KMT2C: variants seen among roughly 807,000 people sequenced by gnomAD.
KMT2C encodes lysine methyltransferase 2C.
A neutral mutation model predicts 507.9 loss-of-function variants in KMT2C; 88 were observed. That is an observed-to-expected ratio of 0.17 (90% CI 0.15 to 0.21). The LOEUF (loss-of-function observed/expected upper bound fraction) is 0.21. Ranked by LOEUF, KMT2C falls within the 10% of genes least tolerant of loss-of-function variation. The pLI, the probability that KMT2C is intolerant of heterozygous loss-of-function variation, is 1.00. For synonymous variants in KMT2C, 2,049 were observed against 2,080.8 expected, an observed-to-expected ratio of 0.98 and a Z score of 0.42; for missense variants, 4,954 against 5,957.8, an observed-to-expected ratio of 0.83 and a Z score of 5.55.
intron 1 of KMT2C, among the ~76,000 whole-genome samples, chr7:152,434,904 TTACGAGGGGACGCTGGC>T (rs1358592197): frequency 6.6e-6 from 1 of 152,088 alleles, no homozygotes; most frequent in Admixed American, 6.6e-5. Flanking sequence ...GTATTCTGCC[TTACGAGGGGACGCTGGC>T]TACGTCTCCA....
rs376198655 is a variant in KMT2C, at chr7:152,146,605, C to T, written c.14025G>A (p.Ala4675=). ...GCCTGACCAAGACACTCACTGATTCCGCTATGCGTGCCACTGCAGAGACGG... is the reference window on the plus strand; with the variant it reads ...GCCTGACCAAGACACTCACTGATTCTGCTATGCGTGCCACTGCAGAGACGG... ...GLTVSAVARI[A]ESLPGVEACE... is the part of the protein sequence containing the mutation. The change falls in exon 53 of 59, where the codon GCG becomes GCA. Residue 4675 remains alanine, a synonymous_variant. Transcript: ENST00000262189. 1.1e-5 allele frequency: 18 copies of T among 1,613,988 alleles called. No homozygotes were observed. Among genetic ancestry groups the T allele is most frequent in the Middle Eastern group, 1.6e-4 (1 of 6,080 alleles).
At chr7:152,386,517 T>C (rs2097428113) in intron 1 of KMT2C, among the ~76,000 whole-genome samples, 1 of 152,312 alleles carries the variant, frequency 6.6e-6, no homozygotes. Flanking sequence ...AGCTTCCCTT[T>C]CACATGACTG....
intron 26 of KMT2C, among the ~76,000 whole-genome samples, chr7:152,201,115 C>G (rs895648052): frequency 6.6e-6 from 1 of 152,160 alleles, no homozygotes; most frequent in Non-Finnish European, 1.5e-5. Flanking sequence ...AGCAAGAATT[C>G]TGTCTAATGA....
intron 6 of KMT2C, among the ~76,000 whole-genome samples, chr7:152,296,088 A>AG (rs1436271878): frequency 6.6e-6 from 1 of 150,844 alleles, no homozygotes; most frequent in East Asian, 2.0e-4. Context: ...AAAAAAAAAA[A>AG]AAGATATGAA....
At chr7:152,382,715 G>C (rs12672803) in intron 1 of KMT2C, among the ~76,000 whole-genome samples, 970 of 120,908 alleles carry the variant, frequency 8.0e-3, no homozygotes, top group Non-Finnish European at 0.014. Context: ...ACTGGTAAGA[G>C]TATAAATTGG....
At chr7:152,390,857 A>G (rs1434730537) in intron 1 of KMT2C, among the ~76,000 whole-genome samples, 1 of 152,176 alleles carries the variant, frequency 6.6e-6, no homozygotes, top group East Asian at 1.9e-4. Context: ...CAAAAAACTT[A>G]GAATCTCTGC....
chr7:152,194,672 T>C lies in KMT2C; in HGVS notation c.4379-104A>G, dbSNP rs1161016348. 5.1e-6 allele frequency: 4 copies of C among 788,084 alleles called. No homozygotes were observed. The South Asian group carries it at 9.4e-5, about 18-fold the overall frequency. 48.8% of individuals were successfully genotyped at this position (788,084 alleles called of 1,614,324 possible). ...TTAGTATATAACAATATGATTAAAATAGAGAAATAAAGTCTGTAATTCTGA... is the reference window on the plus strand; with the variant it reads ...TTAGTATATAACAATATGATTAAAACAGAGAAATAAAGTCTGTAATTCTGA... On this transcript the variant is annotated intron_variant, in intron 28 of 58. Coordinates refer to ENST00000262189, the MANE Select transcript of KMT2C (RefSeq NM_170606.3).
intron 31 of KMT2C, among the ~76,000 whole-genome samples, chr7:152,191,532 C>T (rs1156636135): frequency 6.6e-6 from 1 of 152,180 alleles, no homozygotes; most frequent in Non-Finnish European, 1.5e-5. Flanking sequence ...TTAGTCTCAA[C>T]CACAATAACC....
intron 16 of KMT2C, among the ~76,000 whole-genome samples, chr7:152,234,125 C>T (rs2360909): frequency 1.3e-5 from 2 of 149,726 alleles, no homozygotes; most frequent in African/African-American, 4.9e-5. Context: ...TGGTGGCTCA[C>T]GCCTGTAATT....
chr7:152,334,494 A>T (rs1434681730), intron 2 of KMT2C, among the ~76,000 whole-genome samples: 1 of 151,994 alleles, frequency 6.6e-6, no homozygotes, highest in Non-Finnish European at 1.5e-5. Context: ...CAAAATCCAT[A>T]CTCTTCATCT....
chr7:152,394,664 A>G (rs139666086), intron 1 of KMT2C, among the ~76,000 whole-genome samples: 1,976 of 152,144 alleles, frequency 0.013, 47 homozygotes, highest in African/African-American at 0.045. Flanking sequence ...AATTCTACCT[A>G]TTTGTTTGAC....
intron 7 of KMT2C, among the ~76,000 whole-genome samples, chr7:152,271,761 G>T (rs1030646652): frequency 6.6e-6 from 1 of 151,140 alleles, no homozygotes; most frequent in African/African-American, 2.4e-5. Flanking sequence ...TTTGAAGGCT[G>T]CTATAAGAAA....
chr7:152,277,230 T>C (rs1271619724), intron 6 of KMT2C, among the ~76,000 whole-genome samples: 32 of 152,226 alleles, frequency 2.1e-4, no homozygotes, highest in Admixed American at 1.9e-3. Context: ...AGGCTCCCCA[T>C]GCTCCAAATT....
At chr7:152,291,918 G>A (rs1193152500) in intron 6 of KMT2C, among the ~76,000 whole-genome samples, 1 of 152,100 alleles carries the variant, frequency 6.6e-6, no homozygotes, top group East Asian at 1.9e-4. Context: ...TGTTGGTAAT[G>A]GTTTTCCTTG....
chr7:152,354,690 C>T (rs1340826216), intron 2 of KMT2C, among the ~76,000 whole-genome samples: 1 of 152,030 alleles, frequency 6.6e-6, no homozygotes. Context: ...GCAAAGAAGA[C>T]AAAAAGTGCA....
rs71198772 is a variant in KMT2C, at chr7:152,290,220, A to ATGTGTG, written c.850-16359_850-16354dup. Among the ~76,000 whole-genome samples the ATGTGTG allele has an allele frequency of 2.0e-3, 171 of 86,274 alleles. 1 individual carries two copies. Among genetic ancestry groups the ATGTGTG allele is most frequent in the Admixed American group, 2.3e-3 (15 of 6,476 alleles). 56.6% of individuals were successfully genotyped at this position (86,274 alleles called of 152,430 possible). On this transcript the variant is annotated intron_variant, in intron 6 of 58. Transcript: ENST00000262189. ...GTAGTCTAATAAATTTTATATATAT[A>ATGTGTG]TGTGTGTGTGTGTGTGTGTGTGTGT...
chr7:152,254,929 A>G (rs2095620427), intron 9 of KMT2C, among the ~76,000 whole-genome samples: 1 of 151,550 alleles, frequency 6.6e-6, no homozygotes, highest in Non-Finnish European at 1.5e-5. Context: ...TGGTAAGAAA[A>G]CCCCATTTAT....
chr7:152,289,048 G>A (rs2096359324), intron 6 of KMT2C, among the ~76,000 whole-genome samples: 1 of 152,426 alleles, frequency 6.6e-6, no homozygotes, highest in Non-Finnish European at 1.5e-5. Context: ...TATTGAACCA[G>A]AAAGGAGAAT....
At chr7:152,168,948 T>C (rs193240165) in intron 41 of KMT2C, among the ~76,000 whole-genome samples, 11 of 152,316 alleles carry the variant, frequency 7.2e-5, no homozygotes, top group African/African-American at 2.2e-4. Flanking sequence ...ATGGGGAAGA[T>C]GGTTTTTCTG....
Sources: gnomAD v4.1 joint callset for allele counts (sites outside exome capture counted in the v4.1 genomes callset) on GRCh38, gnomAD v4.1.1 for gene constraint, MANE v1.5 for transcripts, NCBI Gene and HGNC (gene_info 2026-07-23, HGNC 2026-07-21) for gene names.